Variants in HJURP observed in about 807,000 individuals in gnomAD.
HJURP encodes the protein 14-3-3-associated AKT substrate.
Under a neutral mutation model 72.0 loss-of-function variants are expected in HJURP, and 49 were observed. That is an observed-to-expected ratio of 0.68 (90% CI 0.54 to 0.86). The LOEUF is 0.86. HJURP is among the 40% of genes least tolerant of loss of function. The pLI is 0.00. For synonymous variants in HJURP, 357 were observed against 347.1 expected, an observed-to-expected ratio of 1.03 and a Z score of -0.32; for missense variants, 908 against 936.3, an observed-to-expected ratio of 0.97 and a Z score of 0.39.
At chr2:233,843,083 T>TA (rs889046607) in intron 7 of HJURP, among the ~76,000 whole-genome samples, 3 of 151,960 alleles carry the variant, frequency 2.0e-5, no homozygotes, top group African/African-American at 7.3e-5. Flanking sequence ...CTACTGATCC[T>TA]AAAAAATAAA....
chr2:233,843,537 C>T (rs1705282658), intron 7 of HJURP, among the ~76,000 whole-genome samples: 1 of 152,154 alleles, frequency 6.6e-6, no homozygotes, highest in African/African-American at 2.4e-5. Flanking sequence ...CAGGGACATT[C>T]TGCAAAATTA....
At chr2:233,842,316 G>C (rs1705254042) in intron 7 of HJURP, 111 bp from the exon 8 acceptor site, 1 of 906,324 alleles carries the variant, frequency 1.1e-6, no homozygotes, top group Admixed American at 2.9e-5. Flanking sequence ...TTAAGCAATA[G>C]CAAAAACAAA....
Position 233,837,310 on chromosome 2 carries a change from A to T in HJURP, c.*267T>A. On this transcript the variant is annotated 3_prime_UTR_variant, in exon 9 of 9. Coordinates refer to ENST00000411486, the MANE Select transcript of HJURP (RefSeq NM_018410.5). The stretch of plus-strand genomic sequence containing the variant: ...AAAACAAACAAACAAACAAACAAAC[A>T]AACAAATAACCCCCCCCCAAAAAAA... The T allele has an allele frequency of 3.0e-6, 1 of 332,024 alleles. No individual in the cohort carries two copies. Among genetic ancestry groups the T allele is most frequent in the South Asian group, 4.1e-5 (1 of 24,282 alleles). 20.6% of individuals were successfully genotyped at this position (332,024 alleles called of 1,614,324 possible). A position where few individuals can be genotyped will look rare whatever the true frequency, so the allele number is the denominator to read the frequency against.
chr2:233,846,929 G>A lies in HJURP; in HGVS notation c.402+468C>T, dbSNP rs556691. Among the ~76,000 whole-genome samples, 90,647 of 152,000 alleles carry A rather than the reference G, an allele frequency of 0.6. 28,086 individuals are homozygous for A. Among genetic ancestry groups the A allele is most frequent in the Middle Eastern group, 0.76 (222 of 292 alleles). ...GGGCACTCTGGGAAACAGACATATA[G>A]ATGACACTTACTGTTTGGGTTAGTG... On this transcript the variant is annotated intron_variant, in intron 5 of 8. Coordinates refer to ENST00000411486, the MANE Select transcript of HJURP (RefSeq NM_018410.5). This position sits in a 1 kb window ranked among gnomAD's most constrained non-coding sequence, Gnocchi z 4.3.
At chr2:233,848,995 G>T (rs907587797) in intron 4 of HJURP, among the ~76,000 whole-genome samples, 1 of 152,196 alleles carries the variant, frequency 6.6e-6, no homozygotes, top group African/African-American at 2.4e-5. Context: ...AATGGAGAGC[G>T]CAAAACCCAA....
At chr2:233,839,984 C>T (rs1003717652) in intron 8 of HJURP, among the ~76,000 whole-genome samples, 1 of 152,194 alleles carries the variant, frequency 6.6e-6, no homozygotes, top group Non-Finnish European at 1.5e-5. Flanking sequence ...AAGGTACTCA[C>T]TCCCACTGAC....
At position 233,854,418 on chromosome 2, in the gene HJURP, C is replaced by A; in HGVS notation, c.83G>T (p.Arg28Leu). ...CAGCCGCTGCATGCGCCTCTGGAAG[C>A]GGCGGCGACTGGCCCTGAGCTTCTG... ...LLQKLRASRRRFQRRMQRLIE... is the reference protein window; with the variant it reads ...LLQKLRASRRLFQRRMQRLIE... Residue 28 changes from arginine (R) to leucine (L), a missense_variant, in exon 1 of 9, where the codon CGC becomes CTC. Arg to Leu is a moderately radical substitution (Grantham distance 102). Around this residue, in one of 3 missense-constraint regions of HJURP, gnomAD observed 299 missense variants for 286.7 expected, o/e 1.04. Transcript: ENST00000411486. 1.2e-6 allele frequency: 2 copies of A among 1,608,898 alleles called. No individual in the cohort carries two copies. The highest frequency in any genetic ancestry group is 8.5e-7 in the Non-Finnish European group (1 of 1,178,322).
Position 233,841,104 on chromosome 2 carries a change from C to T in HJURP, c.1676G>A (p.Ser559Asn), listed in dbSNP as rs746720933. 2.5e-6 allele frequency: 4 copies of T among 1,614,168 alleles called. No homozygotes were observed. Among genetic ancestry groups the T allele is most frequent in the Non-Finnish European group, 3.4e-6 (4 of 1,180,024 alleles). Residue 559 changes from serine (S) to asparagine (N), a missense_variant, in exon 8 of 9, where the codon AGC becomes AAC. Ser to Asn is a conservative substitution (Grantham distance 46). Transcript: ENST00000411486. ...SGIFRKSVSP[S>N]KTLSVPDKEV... ...TTTATCTGGGACTGAAAGAGTTTTGCTGGGTGACACTGACTTTCTAAATAT... is the reference window on the plus strand; with the variant it reads ...TTTATCTGGGACTGAAAGAGTTTTGTTGGGTGACACTGACTTTCTAAATAT...
At chr2:233,838,858 C>T (rs1006603650) in intron 8 of HJURP, among the ~76,000 whole-genome samples, 7 of 152,166 alleles carry the variant, frequency 4.6e-5, no homozygotes, top group African/African-American at 1.7e-4. Context: ...GAAAGTCACC[C>T]GGCTGGTGGT....
In HJURP at chr2:233,842,008, C is replaced by T. The variant is rs201299380; in HGVS notation, c.772G>A (p.Val258Met). 27 of 1,614,226 alleles carry T rather than the reference C, an allele frequency of 1.7e-5. No homozygotes were observed. Among genetic ancestry groups the T allele is most frequent in the Middle Eastern group, 3.3e-4 (2 of 6,062 alleles). ...CCTGCGTACAGGTCACTGATGGTCA[C>T]ATTGCAAATGTCATCATCTTCAAAG... ...QPFEDDDICN[V>M]TISDLYAGML... Residue 258 changes from valine (V) to methionine (M), a missense_variant, in exon 8 of 9, where the codon GTG (valine) becomes ATG (methionine). Around this residue, in one of 3 missense-constraint regions of HJURP, gnomAD observed 598 missense variants for 619.5 expected, o/e 0.97. Coordinates refer to ENST00000411486, the MANE Select transcript of HJURP (RefSeq NM_018410.5).
chr2:233,853,562 C>T (rs761408377), intron 2 of HJURP, among the ~76,000 whole-genome samples: 24 of 152,302 alleles, frequency 1.6e-4, no homozygotes, highest in Non-Finnish European at 2.5e-4. Flanking sequence ...GACACTGAGA[C>T]CAGTCCAGCT....
chr2:233,845,627 T>C (rs2302156), intron 6 of HJURP, 101 bp downstream of exon 6: 456,980 of 711,142 alleles, frequency 0.64, 149,404 homozygotes, highest in Middle Eastern at 0.75. Context: ...ATGCTCTTTA[T>C]GGGTTCTGTA....
chr2:233,847,515 T>C lies in HJURP; in HGVS notation c.338-54A>G, dbSNP rs907618965. The stretch of plus-strand genomic sequence containing the variant: ...AGGATTTTCAGGAAGGAGTGCATTT[T>C]CCTCTCAAGGATGGTTTTGGCATCA... On this transcript the variant is annotated intron_variant, in intron 4 of 8. Transcript: ENST00000411486. 12 of 1,468,112 alleles carry C rather than the reference T, an allele frequency of 8.2e-6. No homozygotes were observed. The African/African-American group carries it at 1.1e-4, about 14-fold the overall frequency. The allele number at this position is 1,468,112 out of a possible 1,614,324, so 90.9% of individuals were successfully genotyped here. A position where few individuals can be genotyped will look rare whatever the true frequency, so the allele number is the denominator to read the frequency against.
At position 233,853,207 on chromosome 2, in the gene HJURP, TTTG is replaced by T. The variant is rs375967338; in HGVS notation, c.185-590_185-588del. On this transcript the variant is annotated intron_variant, in intron 2 of 8. Transcript: ENST00000411486. ...ATGCAACATAGAACTTGCTCTGAGG[TTTG>T]TTTTCATTAAGTGATACTGAGTTAG... Among the ~76,000 whole-genome samples, 505 of 152,254 alleles carry T rather than the reference TTTG, an allele frequency of 3.3e-3. 2 individuals are homozygous for T. The highest frequency in any genetic ancestry group is 0.012 in the African/African-American group (487 of 41,546).
In HJURP at chr2:233,846,321, G is replaced by A. The variant is rs1011525142; in HGVS notation, c.403-501C>T. 3.3e-4 allele frequency among the ~76,000 whole-genome samples: 50 copies of A among 152,142 alleles called. No individual in the cohort carries two copies. Among genetic ancestry groups the A allele is most frequent in the African/African-American group, 1.0e-3 (43 of 41,508 alleles). Reference sequence around the variant, plus strand: ...ACAAAAATTAGCTGGGCATGGTGGTGGGCGCCTGTAGTCCCAGCTACTTGG... The same window carrying A: ...ACAAAAATTAGCTGGGCATGGTGGTAGGCGCCTGTAGTCCCAGCTACTTGG... On this transcript the variant is annotated intron_variant, in intron 5 of 8. Transcript: ENST00000411486. This position sits in a 1 kb window ranked among gnomAD's most constrained non-coding sequence, Gnocchi z 4.3.
intron 6 of HJURP, 90 bp downstream of exon 6, chr2:233,845,638 G>GA: frequency 3.6e-6 from 3 of 827,778 alleles, no homozygotes; most frequent in East Asian, 2.6e-5. Context: ...GGGTTCTGTA[G>GA]AAAAAACAAA....
At position 233,846,924 on chromosome 2, in the gene HJURP, A is replaced by G. The variant is rs1705376515; in HGVS notation, c.402+473T>C. Among the ~76,000 whole-genome samples, 1 of 152,204 alleles carries G rather than the reference A, an allele frequency of 6.6e-6. No individual in the cohort carries two copies. The highest frequency in any genetic ancestry group is 1.9e-4 in the East Asian group (1 of 5,184). On this transcript the variant is annotated intron_variant, in intron 5 of 8. Coordinates refer to ENST00000411486, the MANE Select transcript of HJURP (RefSeq NM_018410.5). The surrounding 1 kb of genome is among the most constrained non-coding windows in gnomAD (Gnocchi z 4.3). ...CCAGGGGGCACTCTGGGAAACAGAC[A>G]TATAGATGACACTTACTGTTTGGGT...
rs1403812047 is a variant in HJURP at position 233,837,481 on chromosome 2, G to A, written c.*96C>T. The A allele has an allele frequency of 1.2e-6, 1 of 836,720 alleles. No individual in the cohort carries two copies. The highest frequency in any genetic ancestry group is 1.7e-5 in the African/African-American group (1 of 58,702). 51.8% of individuals were successfully genotyped at this position (836,720 alleles called of 1,614,324 possible). On this transcript the variant is annotated 3_prime_UTR_variant, in exon 9 of 9. Transcript: ENST00000411486. ...TAATATTTACTTTAAGGGCAGAGAA[G>A]TCAACCAAGTCCTCACAGTCTCAAG...
In HJURP at chr2:233,840,594, C is replaced by T. The variant is rs1705195011; in HGVS notation, c.2171+15G>A. ...ACTCACATAAACCACATTCAACCAA[C>T]AGAAACACACCTACCTCTCTTCTGA... On this transcript the variant is annotated intron_variant, in intron 8 of 8. Coordinates refer to ENST00000411486, the MANE Select transcript of HJURP (RefSeq NM_018410.5). 1.3e-5 allele frequency: 21 copies of T among 1,556,072 alleles called. No homozygotes were observed. Among genetic ancestry groups the T allele is most frequent in the Non-Finnish European group, 1.6e-5 (18 of 1,156,390 alleles).
Sources: gnomAD v4.1 joint callset for allele counts (sites outside exome capture counted in the v4.1 genomes callset) on GRCh38, gnomAD v4.1.1 for gene constraint, gnomAD v4.1.1 regional missense constraint, Gnocchi (gnomAD v3.1) non-coding constraint, MANE v1.5 for transcripts, NCBI Gene and HGNC (gene_info 2026-07-23, HGNC 2026-07-21) for gene names.